Variants in ATP5PD observed in about 807,000 individuals in gnomAD.
The protein encoded by ATP5PD is ATP synthase peripheral stalk subunit d.
A neutral mutation model predicts 22.6 loss-of-function variants in ATP5PD; 13 were observed. The ratio of observed to expected loss-of-function variants is 0.58; its 90% CI spans 0.37 to 0.91. The LOEUF is 0.91. ATP5PD is among the 40% of genes least tolerant of loss of function. ATP5PD has a pLI of 0.00. For synonymous variants in ATP5PD, 51 were observed against 65.0 expected (o/e 0.79, Z 1.03); for missense variants, 165 against 188.0 (o/e 0.88, Z 0.72).
chr17:75,042,896 AAGAC>A (rs1437842810), intron 1 of ATP5PD, among the ~76,000 whole-genome samples: 8 of 151,900 alleles, frequency 5.3e-5, no homozygotes, highest in African/African-American at 1.9e-4. Flanking sequence ...AAAAGAAAAA[AAGAC>A]AGTGTAGCTT....
rs190340264 is a variant in ATP5PD at position 75,046,912 on chromosome 17, A to C, written c.-10+13T>G. The C allele has an allele frequency of 3.6e-3, 558 of 155,902 alleles. 12 individuals carry two copies. The highest frequency in any genetic ancestry group is 0.031 in the Admixed American group (477 of 15,392). The allele number at this position is 155,902 out of a possible 1,614,324, so 9.7% of individuals were successfully genotyped here. On this transcript the variant is annotated intron_variant, in intron 1 of 5. Transcript: ENST00000301587. ...CTCCAGGGATCGGATCCAATGCCCCAAGCCCCACTCACCTTCACCGACCCT... is the reference window on the plus strand; with the variant it reads ...CTCCAGGGATCGGATCCAATGCCCCCAGCCCCACTCACCTTCACCGACCCT...
chr17:75,040,074 G>A lies in ATP5PD; in HGVS notation c.291+18C>T, dbSNP rs367889953. The A allele has an allele frequency of 1.4e-5, 23 of 1,613,378 alleles. No homozygotes were observed. In the African/African-American group the frequency reaches 1.9e-4, roughly 13 times the overall value. On this transcript the variant is annotated intron_variant, in intron 4 of 5. Transcript: ENST00000301587. Reference sequence around the variant, plus strand: ...GATCAAGAGAATTTTAGAATAAGCAGGAGCCTCAACTACTTACATCTTCTT... The same window carrying A: ...GATCAAGAGAATTTTAGAATAAGCAAGAGCCTCAACTACTTACATCTTCTT...
chr17:75,043,258 C>T (rs1441804565), intron 1 of ATP5PD, among the ~76,000 whole-genome samples: 3 of 152,168 alleles, frequency 2.0e-5, no homozygotes, highest in Non-Finnish European at 4.4e-5. Flanking sequence ...TTTTCAAATT[C>T]AAAGTGTGCA....
At chr17:75,040,768 C>T (rs896246145) in intron 3 of ATP5PD, 1 of 152,240 alleles carries the variant, frequency 6.6e-6, no homozygotes, top group Non-Finnish European at 1.5e-5. Flanking sequence ...CACCTGTAGT[C>T]CCAGCTACAT....
chr17:75,039,467 A>C, intron 4 of ATP5PD, 196 bp from the exon 5 acceptor site: 1 of 566,180 alleles, frequency 1.8e-6, no homozygotes, highest in Admixed American at 3.1e-5. Flanking sequence ...GCCCATATGG[A>C]AAACCAGCTT....
chr17:75,042,409 T>C (rs2073170493), intron 2 of ATP5PD, 120 bp downstream of exon 2: 1 of 1,508,722 alleles, frequency 6.6e-7, no homozygotes, highest in South Asian at 1.3e-5. Flanking sequence ...ATCATGAAAA[T>C]GCAAGGATTT....
chr17:75,039,990 T>C, intron 4 of ATP5PD, 102 bp downstream of exon 4: 3 of 1,212,844 alleles, frequency 2.5e-6, no homozygotes, highest in Non-Finnish European at 1.2e-6. Flanking sequence ...TTTATATGGC[T>C]GTTAACTCTT....
chr17:75,043,086 G>T (rs1379410124), intron 1 of ATP5PD, among the ~76,000 whole-genome samples: 1 of 151,712 alleles, frequency 6.6e-6, no homozygotes, highest in Non-Finnish European at 1.5e-5. Flanking sequence ...GCCAGCCGTG[G>T]TGGCCCGCGC....
rs369287155 is a variant in ATP5PD, at chr17:75,045,438, T to G, written c.-10+1487A>C. On this transcript the variant is annotated intron_variant, in intron 1 of 5. Coordinates refer to ENST00000301587, the MANE Select transcript of ATP5PD (RefSeq NM_006356.3). ...TTTCCTTTTCCTAATAAGCCTGGGATCGCTATGGGAGACTGGAGTTTATTT... is the reference window on the plus strand; with the variant it reads ...TTTCCTTTTCCTAATAAGCCTGGGAGCGCTATGGGAGACTGGAGTTTATTT... 2.6e-5 allele frequency among the ~76,000 whole-genome samples: 4 copies of G among 152,336 alleles called. No homozygotes were observed. The East Asian group carries it at 5.8e-4, about 22-fold the overall frequency.
chr17:75,039,609 G>A (rs1453685396), intron 4 of ATP5PD: 1 of 315,158 alleles, frequency 3.2e-6, no homozygotes, highest in Non-Finnish European at 5.9e-6. Flanking sequence ...CTCTCTGGTG[G>A]AGCCACTGAG....
chr17:75,040,281 C>A, intron 3 of ATP5PD, 118 bp from the exon 4 acceptor site: 1 of 1,179,904 alleles, frequency 8.5e-7, no homozygotes, highest in Non-Finnish European at 1.3e-6. Context: ...CCTTAAAGGT[C>A]ATACTGAAAG....
Position 75,042,596 on chromosome 17 carries a change from T to C in ATP5PD, c.55A>G (p.Ile19Val), listed in dbSNP as rs767846385. 2.6e-5 allele frequency: 42 copies of C among 1,613,136 alleles called. 1 individual carries two copies. In the South Asian group the frequency reaches 4.4e-4, roughly 17 times the overall value. ...ATGGCCTTTTGGTTCTGGGGTATGA[T>C]CTCTGCAAAAGCTACCCAGTCAATG... The part of the protein sequence containing the change: ...KTIDWVAFAE[I>V]IPQNQKAIAS... The change falls in exon 2 of 6, where the codon ATC becomes GTC. Residue 19 changes from isoleucine (I) to valine (V), a missense_variant. Coordinates refer to ENST00000301587, the MANE Select transcript of ATP5PD (RefSeq NM_006356.3).
At chr17:75,044,163 T>C (rs2073188868) in intron 1 of ATP5PD, among the ~76,000 whole-genome samples, 1 of 149,442 alleles carries the variant, frequency 6.7e-6, no homozygotes, top group Admixed American at 6.6e-5. Flanking sequence ...TAGCTGGGAT[T>C]ACAGGCACCC....
chr17:75,042,757 C>A, intron 1 of ATP5PD, 98 bp from the exon 2 acceptor site: 1 of 1,242,722 alleles, frequency 8.0e-7, no homozygotes. Flanking sequence ...TAGAGAGAAT[C>A]CTTTAAATCT....
chr17:75,046,700 C>T (rs1372610122), intron 1 of ATP5PD, among the ~76,000 whole-genome samples: 2 of 152,228 alleles, frequency 1.3e-5, no homozygotes, highest in Admixed American at 1.3e-4. Context: ...ACATCAGCGG[C>T]GCCTGGGACA....
intron 3 of ATP5PD, 150 bp downstream of exon 3, chr17:75,042,031 T>C: frequency 1.6e-6 from 1 of 635,132 alleles, no homozygotes; most frequent in Admixed American, 3.1e-5. Context: ...TATTTACAGT[T>C]CAATCGACCA....
chr17:75,040,059 ATT>A (rs2073143381), intron 4 of ATP5PD, 31 bp downstream of exon 4: 1 of 1,611,496 alleles, frequency 6.2e-7, no homozygotes, highest in African/African-American at 1.3e-5. Flanking sequence ...GATCAAGAGA[ATT>A]TTAGAATAAG....
chr17:75,041,244 A>T (rs1342780761), intron 3 of ATP5PD: 1 of 151,242 alleles, frequency 6.6e-6, no homozygotes, highest in Non-Finnish European at 1.5e-5. Context: ...GGTCCCAGTT[A>T]CTCGGGGGGA....
intron 1 of ATP5PD, among the ~76,000 whole-genome samples, chr17:75,046,076 A>G (rs1387005292): frequency 6.6e-6 from 1 of 152,164 alleles, no homozygotes; most frequent in East Asian, 1.9e-4. Context: ...GGAAGTCACA[A>G]ATAACTTTGT....
Sources: allele counts gnomAD v4.1 joint callset (sites outside exome capture counted in the v4.1 genomes callset), GRCh38; gene constraint gnomAD v4.1.1; transcripts MANE v1.5; gene names NCBI Gene and HGNC (gene_info 2026-07-23, HGNC 2026-07-21).